Variants in VRK2 observed in about 807,000 individuals in gnomAD.
VRK2 encodes serine/threonine-protein kinase VRK2.
VRK2 carries 60 observed loss-of-function variants against 57.6 expected under a neutral mutation model. The observed-to-expected ratio is 1.04, with a 90% CI of 0.85 to 1.29. VRK2 has a LOEUF of 1.29. Among genes scored for constraint, VRK2 ranks in the 50% most tolerant of loss-of-function variants. The pLI is 0.00. For synonymous variants in VRK2, 231 were observed against 199.2 expected (o/e 1.16, Z -1.35); for missense variants, 705 against 588.1 (o/e 1.20, Z -2.06).
intron 1 of VRK2, among the ~76,000 whole-genome samples, chr2:57,979,687 G>T (rs1672362635): frequency 2.0e-5 from 3 of 152,092 alleles, no homozygotes; most frequent in Non-Finnish European, 2.9e-5. Context: ...TCTCTGGTTG[G>T]TAAGGTTTTT....
chr2:58,120,608 T>C (rs1268470336), intron 7 of VRK2, among the ~76,000 whole-genome samples: 3 of 152,172 alleles, frequency 2.0e-5, no homozygotes, highest in Non-Finnish European at 4.4e-5. Flanking sequence ...ATATTCCCCT[T>C]AGCTTGACAC....
rs182222053 is a variant in VRK2, at chr2:57,969,764, A to C, written c.-438-55901A>C. 2.6e-5 allele frequency among the ~76,000 whole-genome samples: 4 copies of C among 152,268 alleles called. No homozygotes were observed. The East Asian group carries it at 7.7e-4, about 29-fold the overall frequency. On this transcript the variant is annotated intron_variant, in intron 1 of 15. Coordinates refer to the VRK2 transcript ENST00000417641. ...TGAGCTGATTTCTTGTATTGCGGTCAGCTGAGGCTATGCTTAAGCAGCTTA... is the reference window on the plus strand; with the variant it reads ...TGAGCTGATTTCTTGTATTGCGGTCCGCTGAGGCTATGCTTAAGCAGCTTA...
chr2:58,078,623 A>G (rs539789815), intron 2 of VRK2, among the ~76,000 whole-genome samples: 1 of 152,192 alleles, frequency 6.6e-6, no homozygotes, highest in South Asian at 2.1e-4. Flanking sequence ...AACGGTGCAC[A>G]AGAGTTCCAA....
At chr2:58,141,267 GT>G (rs1290087897) in intron 11 of VRK2, among the ~76,000 whole-genome samples, 3 of 151,724 alleles carry the variant, frequency 2.0e-5, no homozygotes, top group South Asian at 2.1e-4. Flanking sequence ...TAGTTTTTCA[GT>G]TTCATAAACT....
intron 1 of VRK2, among the ~76,000 whole-genome samples, chr2:57,977,026 G>C (rs1262027842): frequency 6.6e-6 from 1 of 151,972 alleles, no homozygotes; most frequent in Admixed American, 6.6e-5. Flanking sequence ...ATGGTTTTAG[G>C]AGTGTGGCTT....
chr2:57,949,680 A>T, intron 1 of VRK2, among the ~76,000 whole-genome samples: 1 of 152,184 alleles, frequency 6.6e-6, no homozygotes, highest in East Asian at 1.9e-4. Context: ...CATTCAAGTG[A>T]AAGGAAGAGT....
intron 1 of VRK2, among the ~76,000 whole-genome samples, chr2:57,929,578 G>A (rs1670653371): frequency 6.6e-6 from 1 of 152,142 alleles, no homozygotes; most frequent in Non-Finnish European, 1.5e-5. Flanking sequence ...TACCTAAGGT[G>A]GAAGACAAAG....
At chr2:58,047,974 G>C (rs903775074) in intron 1 of VRK2, among the ~76,000 whole-genome samples, 49 of 152,188 alleles carry the variant, frequency 3.2e-4, no homozygotes, top group African/African-American at 1.1e-3. Flanking sequence ...TAAATACTTA[G>C]AGGATCATGG....
At chr2:58,011,413 A>G (rs1374248924) in intron 1 of VRK2, among the ~76,000 whole-genome samples, 1 of 152,220 alleles carries the variant, frequency 6.6e-6, no homozygotes, top group Non-Finnish European at 1.5e-5. Context: ...GGTTGCTTCA[A>G]CTGCCAGTCG....
intron 2 of VRK2, among the ~76,000 whole-genome samples, chr2:58,076,106 C>CTTTTTTTTTT (rs71394406): frequency 1.6e-5 from 2 of 121,818 alleles, no homozygotes; most frequent in African/African-American, 3.1e-5. Flanking sequence ...CTACTGTCTT[C>CTTTTTTTTTT]TTTTTTTTTT....
At chr2:58,151,942 T>G (rs1683144158) in intron 12 of VRK2, among the ~76,000 whole-genome samples, 1 of 151,312 alleles carries the variant, frequency 6.6e-6, no homozygotes, top group African/African-American at 2.4e-5. Context: ...AGAGACTGTA[T>G]GGTCAAAAAA....
intron 1 of VRK2, among the ~76,000 whole-genome samples, chr2:57,983,106 G>A (rs1482734144): frequency 6.6e-6 from 1 of 152,032 alleles, no homozygotes; most frequent in Non-Finnish European, 1.5e-5. Flanking sequence ...GCCCACATTT[G>A]TGTCCTCCCT....
At chr2:57,985,571 T>C (rs1672570087) in intron 1 of VRK2, among the ~76,000 whole-genome samples, 2 of 152,050 alleles carry the variant, frequency 1.3e-5, no homozygotes, top group South Asian at 4.1e-4. Context: ...ATAAAGTACA[T>C]TCACAAGAAA....
intron 2 of VRK2, among the ~76,000 whole-genome samples, chr2:58,049,825 A>G (rs916894437): frequency 6.6e-5 from 10 of 152,188 alleles, no homozygotes; most frequent in African/African-American, 2.4e-4. Context: ...CCAGAAAAAC[A>G]TGCTTCATGG....
chr2:57,951,772 T>C (rs72808471), intron 1 of VRK2, among the ~76,000 whole-genome samples: 8,075 of 152,194 alleles, frequency 0.053, 285 homozygotes, highest in Non-Finnish European at 0.08. Flanking sequence ...TTCTGAGTTG[T>C]GGTCTCTGTT....
At position 58,046,848 on chromosome 2, in the gene VRK2, G is replaced by A. The variant is rs1674817736; in HGVS notation, c.-26G>A. 4 of 985,268 alleles carry A rather than the reference G, an allele frequency of 4.1e-6. No individual in the cohort carries two copies. The South Asian group carries it at 1.9e-4, about 46-fold the overall frequency. 61.0% of individuals were successfully genotyped at this position (985,268 alleles called of 1,614,324 possible). A position where few individuals can be genotyped will look rare whatever the true frequency, so the allele number is the denominator to read the frequency against. Reference sequence around the variant, plus strand: ...TAGGAGGCGGTGCGCGCGGCCCGGCGACGGGGGATCCTGAGGCCCGGTCAG... The same window carrying A: ...TAGGAGGCGGTGCGCGCGGCCCGGCAACGGGGGATCCTGAGGCCCGGTCAG... On this transcript the variant is annotated 5_prime_UTR_variant, in exon 1 of 13. Coordinates refer to ENST00000340157, the MANE Select transcript of VRK2 (RefSeq NM_006296.7).
chr2:57,990,745 A>C (rs1303994248), intron 1 of VRK2, among the ~76,000 whole-genome samples: 1 of 152,196 alleles, frequency 6.6e-6, no homozygotes, highest in African/African-American at 2.4e-5. Flanking sequence ...CTTACATTTC[A>C]ATAATACTTC....
intron 2 of VRK2, 39 bp downstream of exon 2, chr2:58,049,006 T>C: frequency 6.3e-7 from 1 of 1,598,192 alleles, no homozygotes; most frequent in Non-Finnish European, 8.5e-7. Flanking sequence ...TTCTTATATC[T>C]GTGACTGTAA....
intron 1 of VRK2, among the ~76,000 whole-genome samples, chr2:57,950,235 G>A (rs75846518): frequency 4.5e-4 from 68 of 152,264 alleles, no homozygotes; most frequent in African/African-American, 1.6e-3. Context: ...ATTGAAAAAC[G>A]ATGCCATCTA....
Sources: gnomAD v4.1 joint callset for allele counts (sites outside exome capture counted in the v4.1 genomes callset) on GRCh38, gnomAD v4.1.1 for gene constraint, MANE v1.5 for transcripts, NCBI Gene and HGNC (gene_info 2026-07-23, HGNC 2026-07-21) for gene names.